The following MX1 variants were observed in gnomAD, a reference collection of about 807,000 sequenced individuals.
The protein encoded by MX1 is interferon-induced GTP-binding protein Mx1.
Under a neutral mutation model 66.4 loss-of-function variants are expected in MX1, and 66 were observed. That is an observed-to-expected ratio of 0.99 (90% CI 0.82 to 1.22). The LOEUF (loss-of-function observed/expected upper bound fraction) is 1.22. Among genes scored for constraint, MX1 ranks in the 50% most tolerant of loss-of-function variants. The pLI, the probability that MX1 is intolerant of heterozygous loss-of-function variation, is 0.00. For missense variants in MX1, 787 were observed against 834.3 expected, an observed-to-expected ratio of 0.94 and a Z score of 0.70; for synonymous variants, 311 against 318.1, an observed-to-expected ratio of 0.98 and a Z score of 0.24.
intron 11 of MX1, among the ~76,000 whole-genome samples, chr21:41,444,425 C>G (rs951741833): frequency 1.4e-5 from 2 of 138,222 alleles, no homozygotes; most frequent in African/African-American, 5.4e-5. Context: ...CTCCTGGGTT[C>G]AAGCAATTCT....
In MX1 at chr21:41,432,196, C is replaced by T. The variant is rs766806419; in HGVS notation, c.105+21C>T. 13 of 1,609,736 alleles carry T rather than the reference C, an allele frequency of 8.1e-6. No homozygotes were observed. The East Asian group carries it at 1.1e-4, about 14-fold the overall frequency. ...GCTCGGTAAGTTGCTCTCTGAAAGTCGCTATCCATGTGACATGAGCCATGC... is the reference window on the plus strand; with the variant it reads ...GCTCGGTAAGTTGCTCTCTGAAAGTTGCTATCCATGTGACATGAGCCATGC... On this transcript the variant is annotated intron_variant, in intron 5 of 16. Transcript: ENST00000398598.
At chr21:41,432,018 A>C (rs556394403) in intron 4 of MX1, 32 bp from the exon 5 acceptor site, 3 of 1,582,380 alleles carry the variant, frequency 1.9e-6, no homozygotes, top group East Asian at 2.2e-5. Flanking sequence ...CCAGCTGCTT[A>C]TCTGTTCAAT....
upstream of MX1, among the ~76,000 whole-genome samples, chr21:41,423,528 T>C (rs1176901773): frequency 6.6e-6 from 1 of 152,194 alleles, no homozygotes; most frequent in Admixed American, 6.5e-5. Context: ...GTGAGCTCTC[T>C]TTACTACCTG....
At chr21:41,457,734 G>C (rs117531174) in intron 16 of MX1, among the ~76,000 whole-genome samples, 1 of 151,980 alleles carries the variant, frequency 6.6e-6, no homozygotes. Context: ...TAACCATTTG[G>C]GGGTACATAG....
chr21:41,451,891 T>C (rs1220921759), intron 15 of MX1, among the ~76,000 whole-genome samples: 2 of 145,268 alleles, frequency 1.4e-5, no homozygotes, highest in Non-Finnish European at 3.0e-5. Context: ...GGAAAGAGCC[T>C]ACAGGAAATG....
upstream of MX1, among the ~76,000 whole-genome samples, chr21:41,425,610 G>A (rs1218489056): frequency 6.6e-6 from 1 of 152,154 alleles, no homozygotes; most frequent in East Asian, 1.9e-4. Flanking sequence ...ATTATTTTAA[G>A]CTTTATTATT....
intron 5 of MX1, among the ~76,000 whole-genome samples, chr21:41,434,019 G>C (rs1019521838): frequency 3.9e-5 from 6 of 152,120 alleles, no homozygotes. Flanking sequence ...GTGAATAGAG[G>C]CCAGGTATTT....
intron 7 of MX1, among the ~76,000 whole-genome samples, chr21:41,437,977 A>C (rs1209424247): frequency 6.6e-6 from 1 of 152,248 alleles, no homozygotes; most frequent in African/African-American, 2.4e-5. Context: ...TGCAAGGGGA[A>C]ATGACACCAG....
chr21:41,431,886 A>C (rs991507655), intron 4 of MX1, 164 bp from the exon 5 acceptor site: 2 of 589,336 alleles, frequency 3.4e-6, no homozygotes, highest in Non-Finnish European at 6.0e-6. Flanking sequence ...GCCAGTGAGC[A>C]CACACTGTGT....
At position 41,459,149 on chromosome 21, in the gene MX1, C is replaced by G; in HGVS notation, c.*391C>G. The G allele has an allele frequency of 3.9e-6, 1 of 253,996 alleles. No homozygotes were observed. Among genetic ancestry groups the G allele is most frequent in the Non-Finnish European group, 7.6e-6 (1 of 131,800 alleles). 15.7% of individuals were successfully genotyped at this position (253,996 alleles called of 1,614,324 possible). On this transcript the variant is annotated 3_prime_UTR_variant, in exon 17 of 17. Coordinates refer to ENST00000398598, the MANE Select transcript of MX1 (RefSeq NM_002462.5). ...ACCCAGTGTTTTAGGAGCATGAGTG[C>G]CGTGTGTGTGCGTCCTGTCGGAGCC...
intron 10 of MX1, 131 bp from the exon 11 acceptor site, chr21:41,443,657 G>A (rs973522355): frequency 3.8e-5 from 29 of 765,324 alleles, no homozygotes; most frequent in Non-Finnish European, 6.8e-5. Flanking sequence ...TATTTGTTGG[G>A]TACCAACTGC....
exon 1 of MX1, chr21:41,420,741 G>A (rs1002025377): frequency 6.6e-6 from 1 of 152,276 alleles, no homozygotes; most frequent in African/African-American, 2.4e-5. Flanking sequence ...CAAGTGCAGC[G>A]GCACCCAGCG....
intron 13 of MX1, among the ~76,000 whole-genome samples, chr21:41,447,954 T>G (rs1346336985): frequency 1.3e-5 from 2 of 152,212 alleles, no homozygotes; most frequent in Non-Finnish European, 1.5e-5. Context: ...GGTCTCGACC[T>G]CCTGACCTCA....
intron 13 of MX1, among the ~76,000 whole-genome samples, chr21:41,446,684 G>A (rs1040907128): frequency 1.3e-5 from 2 of 152,128 alleles, no homozygotes; most frequent in Admixed American, 6.5e-5. Context: ...TAAAAAATAC[G>A]GTATCAGTGA....
Position 41,441,534 on chromosome 21 carries a change from G to A in MX1, c.731-182G>A. The A allele has an allele frequency of 1.6e-6, 1 of 634,656 alleles. No homozygotes were observed. Among genetic ancestry groups the A allele is most frequent in the Non-Finnish European group, 2.8e-6 (1 of 359,988 alleles). 39.3% of individuals were successfully genotyped at this position (634,656 alleles called of 1,614,324 possible). ...TGGGAGGCATCCCTGCCTTCACGCGGCTTGTCGTGGAGTTCTTTTCTGGAG... is the reference window on the plus strand; with the variant it reads ...TGGGAGGCATCCCTGCCTTCACGCGACTTGTCGTGGAGTTCTTTTCTGGAG... On this transcript the variant is annotated intron_variant, in intron 9 of 16. Coordinates refer to ENST00000398598, the MANE Select transcript of MX1 (RefSeq NM_002462.5). This position sits in a 1 kb window ranked among gnomAD's most constrained non-coding sequence, Gnocchi z 4.0.
At chr21:41,426,357 T>C (rs1006674275) in intron 1 of MX1, 94 bp downstream of exon 1, 5 of 152,384 alleles carry the variant, frequency 3.3e-5, no homozygotes, top group African/African-American at 1.2e-4. Flanking sequence ...AGACTAGCGC[T>C]CCGGAGCACG....
intron 6 of MX1, 137 bp downstream of exon 6, chr21:41,436,166 T>A: frequency 1.9e-6 from 2 of 1,055,872 alleles, no homozygotes; most frequent in Non-Finnish European, 2.7e-6. Flanking sequence ...TAGCTTCTCC[T>A]GAGGCCTTTC....
chr21:41,458,726 G>T lies in MX1; in HGVS notation c.1957G>T (p.Ala653Ser), dbSNP rs746813696. ...LKERLARLTQ[A>S]RRRLAQFPG ...GGAGCGGCTTGCACGGCTGACGCAG[G>T]CTCGGCGCCGGCTTGCCCAGTTCCC... The change falls in exon 17 of 17, where the codon GCT (alanine) becomes TCT (serine). Residue 653 changes from alanine (A) to serine (S), a missense_variant. Coordinates refer to ENST00000398598, the MANE Select transcript of MX1 (RefSeq NM_002462.5). The T allele has an allele frequency of 1.2e-6, 2 of 1,613,518 alleles. No homozygotes were observed. The highest frequency in any genetic ancestry group is 1.7e-6 in the Non-Finnish European group (2 of 1,180,020).
upstream of MX1, among the ~76,000 whole-genome samples, chr21:41,424,602 G>T (rs80298637): frequency 4.4e-3 from 667 of 152,272 alleles, 6 homozygotes; most frequent in Admixed American, 9.2e-3. Flanking sequence ...TGGAGGTGGG[G>T]TGCCAACCGC....
Sources: gnomAD v4.1 joint callset for allele counts (sites outside exome capture counted in the v4.1 genomes callset) on GRCh38, gnomAD v4.1.1 for gene constraint, Gnocchi (gnomAD v3.1) non-coding constraint, MANE v1.5 for transcripts, NCBI Gene and HGNC (gene_info 2026-07-23, HGNC 2026-07-21) for gene names.